The following MSANTD4 variants were observed in gnomAD, a reference collection of about 807,000 sequenced individuals.
The protein encoded by MSANTD4 is Myb/SANT DNA binding domain containing 4 with coiled-coils.
In MSANTD4, 13 loss-of-function variants were observed where a neutral mutation model predicts 34.3. The ratio of observed to expected loss-of-function variants is 0.38; its 90% confidence interval spans 0.25 to 0.60. The LOEUF (loss-of-function observed/expected upper bound fraction) is 0.60. MSANTD4 is among the 20% of genes least tolerant of loss of function. The pLI, the probability that MSANTD4 is intolerant of heterozygous loss-of-function variation, is 0.63. For synonymous variants in MSANTD4, 137 were observed against 145.2 expected, an observed-to-expected ratio of 0.94 and a Z score of 0.41; for missense variants, 358 against 401.8, an observed-to-expected ratio of 0.89 and a Z score of 0.93.
At chr11:106,019,696 T>C (rs1859971706) in intron 1 of MSANTD4, among the ~76,000 whole-genome samples, 2 of 152,216 alleles carry the variant, frequency 1.3e-5, no homozygotes, top group South Asian at 2.1e-4. Flanking sequence ...CACCACTGAT[T>C]TACATTAGGA....
Position 106,010,743 on chromosome 11 carries a change from C to G in MSANTD4, c.175G>C (p.Gly59Arg). The change falls in exon 2 of 3, where the codon GGA becomes CGA. Residue 59 changes from glycine (G) to arginine (R), a missense_variant. Gly to Arg is a moderately radical substitution (Grantham distance 125). Around this residue, in one of 2 missense-constraint regions of MSANTD4, gnomAD observed 46 missense variants for 84.3 expected, o/e 0.55. Coordinates refer to ENST00000301919, the MANE Select transcript of MSANTD4 (RefSeq NM_032424.3). ...EEIAQCVNAVGEGEQRTGTEV... is the reference protein window; with the variant it reads ...EEIAQCVNAVREGEQRTGTEV... Reference sequence around the variant, plus strand: ...GTCCCTGTCCTCTGTTCTCCTTCTCCTACAGCATTCACACACTGTGCAATC... The same window carrying G: ...GTCCCTGTCCTCTGTTCTCCTTCTCGTACAGCATTCACACACTGTGCAATC... 6.2e-7 allele frequency: 1 copy of G among 1,614,184 alleles called. No individual in the cohort carries two copies. Among genetic ancestry groups the G allele is most frequent in the Non-Finnish European group, 8.5e-7 (1 of 1,180,020 alleles).
At chr11:106,014,596 T>C (rs1222771339) in intron 1 of MSANTD4, among the ~76,000 whole-genome samples, 6 of 152,230 alleles carry the variant, frequency 3.9e-5, no homozygotes, top group African/African-American at 1.4e-4. Flanking sequence ...ATCTTTTCTA[T>C]CATCTTTTCT....
intron 1 of MSANTD4, among the ~76,000 whole-genome samples, chr11:106,012,813 T>C (rs1859735069): frequency 6.6e-6 from 1 of 152,216 alleles, no homozygotes; most frequent in Non-Finnish European, 1.5e-5. Flanking sequence ...CTCTCTTATC[T>C]ACCTTGAATT....
intron 1 of MSANTD4, among the ~76,000 whole-genome samples, chr11:106,014,510 C>T (rs1366453263): frequency 6.6e-6 from 1 of 152,172 alleles, no homozygotes; most frequent in Non-Finnish European, 1.5e-5. Context: ...TACTCTAATT[C>T]ACAATACAAA....
Position 106,009,797 on chromosome 11 carries a change from A to G in MSANTD4, c.776T>C (p.Ile259Thr), listed in dbSNP as rs755086510. The change falls in exon 3 of 3, where the codon ATT (isoleucine) becomes ACT (threonine). Residue 259 changes from isoleucine (I) to threonine (T), a missense_variant. Physicochemically the swap from Ile to Thr is moderately conservative, Grantham distance 89 (BLOSUM62 -1). This residue lies in a region of MSANTD4 where 312 missense variants were observed against 317.6 expected (regional missense o/e 0.98). Transcript: ENST00000301919. ...CTGTAACCTCAACTTTTCTCTTTCA[A>G]TCTGCAGCCGCTCCTTCTCTAGCTG... is the stretch of plus-strand genomic sequence containing the variant. ...RLQLEKERLQ[I>T]EREKLRLQIV... is the part of the protein sequence containing the mutation. The G allele has an allele frequency of 5.6e-6, 9 of 1,614,094 alleles. No homozygotes were observed. The highest frequency in any genetic ancestry group is 5.9e-6 in the Non-Finnish European group (7 of 1,180,020).
At chr11:106,018,903 G>A (rs1028876810) in intron 1 of MSANTD4, among the ~76,000 whole-genome samples, 2 of 152,114 alleles carry the variant, frequency 1.3e-5, no homozygotes, top group African/African-American at 2.4e-5. Context: ...TCTCCATTAG[G>A]AAAAATTATG....
intron 1 of MSANTD4, among the ~76,000 whole-genome samples, chr11:106,018,734 G>A (rs1387180981): frequency 1.3e-5 from 2 of 152,186 alleles, no homozygotes; most frequent in African/African-American, 4.8e-5. Context: ...AATGCAAGAA[G>A]AATATGCTAG....
At chr11:106,017,992 C>T (rs1002761364) in intron 1 of MSANTD4, among the ~76,000 whole-genome samples, 1 of 152,066 alleles carries the variant, frequency 6.6e-6, no homozygotes, top group Non-Finnish European at 1.5e-5. Flanking sequence ...TGGGATTCTA[C>T]ATTTTTGACA....
chr11:106,010,693 G>A lies in MSANTD4; in HGVS notation c.225C>T (p.Asp75=), dbSNP rs1456545229. 1 of 1,614,164 alleles carries A rather than the reference G, an allele frequency of 6.2e-7. No individual in the cohort carries two copies. Among genetic ancestry groups the A allele is most frequent in the African/African-American group, 1.3e-5 (1 of 75,040 alleles). The change falls in exon 2 of 3, where the codon GAC becomes GAT. Residue 75 remains aspartate (D), a synonymous_variant. Coordinates refer to ENST00000301919, the MANE Select transcript of MSANTD4 (RefSeq NM_032424.3). The part of the protein sequence containing the change: ...TGTEVKRRYL[D]WRALMKRKRM... ...TCTTTCTCTTCATAAGTGCTCGCCA[G>A]TCAAGGTACCTTCTTTTCACCTCTG...
In MSANTD4 at chr11:106,010,000, T is replaced by C. The variant is rs1410778861; in HGVS notation, c.573A>G (p.Ser191=). The C allele has an allele frequency of 5.6e-6, 9 of 1,608,098 alleles. No homozygotes were observed. Among genetic ancestry groups the C allele is most frequent in the Non-Finnish European group, 6.8e-6 (8 of 1,179,974 alleles). Residue 191 remains serine (S), a synonymous_variant, in exon 3 of 3, where the codon TCA becomes TCG. Coordinates refer to ENST00000301919, the MANE Select transcript of MSANTD4 (RefSeq NM_032424.3). ...CATCATATGCAGATCTAGATGGTGT[T>C]GAGTTAAGGGTAAAAAACTCATCAA... ...PHIDEFFTLN[S]TPSRSAYDEP... is the part of the protein sequence containing the mutation.
At chr11:106,019,972 TAA>T (rs1859980849) in intron 1 of MSANTD4, among the ~76,000 whole-genome samples, 2 of 152,162 alleles carry the variant, frequency 1.3e-5, no homozygotes, top group South Asian at 2.1e-4. Flanking sequence ...TTTTGAAGAT[TAA>T]AAGAGATAAA....
intron 1 of MSANTD4, among the ~76,000 whole-genome samples, chr11:106,020,017 GT>G (rs1859982518): frequency 6.6e-6 from 1 of 152,222 alleles, no homozygotes; most frequent in Non-Finnish European, 1.5e-5. Context: ...CTAAGACATA[GT>G]AAGCCCACAA....
At chr11:106,013,677 A>G (rs1410293172) in intron 1 of MSANTD4, among the ~76,000 whole-genome samples, 11 of 152,240 alleles carry the variant, frequency 7.2e-5, no homozygotes, top group Admixed American at 7.2e-4. Context: ...CCTGGGCAGC[A>G]TGGCAAAACC....
At chr11:106,013,834 C>A (rs1229894462) in intron 1 of MSANTD4, among the ~76,000 whole-genome samples, 1 of 152,204 alleles carries the variant, frequency 6.6e-6, no homozygotes, top group African/African-American at 2.4e-5. Flanking sequence ...TGCACCCCAA[C>A]CTGGGGGAAA....
intron 1 of MSANTD4, among the ~76,000 whole-genome samples, chr11:106,011,498 CT>C (rs1859691854): frequency 6.6e-6 from 1 of 152,198 alleles, no homozygotes; most frequent in South Asian, 2.1e-4. Flanking sequence ...CCTCCTCATC[CT>C]TTAGCTTGCA....
chr11:106,016,506 T>C (rs1483859456), intron 1 of MSANTD4, among the ~76,000 whole-genome samples: 1 of 152,088 alleles, frequency 6.6e-6, no homozygotes, highest in Admixed American at 6.5e-5. Context: ...GGATCTTCAA[T>C]ACCTGGCACT....
rs1385948065 is a variant in MSANTD4 at position 106,021,429 on chromosome 11, T to C, written c.-618A>G. On this transcript the variant is annotated 5_prime_UTR_variant, in exon 1 of 3. Coordinates refer to ENST00000301919, the MANE Select transcript of MSANTD4 (RefSeq NM_032424.3). ...GGCAACTTTTTACAAGCACTAAAAC[T>C]TGAGAATGAAGTTCCTAGATACTTC... 1 of 152,138 alleles carries C rather than the reference T, an allele frequency of 6.6e-6. No individual in the cohort carries two copies. The highest frequency in any genetic ancestry group is 1.5e-5 in the Non-Finnish European group (1 of 68,030). The allele number at this position is 152,138 out of a possible 1,614,324, so 9.4% of individuals were successfully genotyped here.
At chr11:106,014,342 A>T (rs1157807084) in intron 1 of MSANTD4, among the ~76,000 whole-genome samples, 1 of 152,154 alleles carries the variant, frequency 6.6e-6, no homozygotes, top group African/African-American at 2.4e-5. Context: ...AGAGCCCCCA[A>T]ACCACTTCTG....
At chr11:106,017,972 C>T (rs1325554794) in intron 1 of MSANTD4, among the ~76,000 whole-genome samples, 3 of 152,162 alleles carry the variant, frequency 2.0e-5, no homozygotes, top group South Asian at 4.2e-4. Flanking sequence ...TTCAGGTCTG[C>T]GGTGGGGCCT....
Sources: allele counts gnomAD v4.1 joint callset (sites outside exome capture counted in the v4.1 genomes callset), GRCh38; gene constraint gnomAD v4.1.1; regional missense constraint gnomAD v4.1.1; transcripts MANE v1.5; gene names NCBI Gene and HGNC (gene_info 2026-07-23, HGNC 2026-07-21).